ATRNL1: variants seen among roughly 807,000 people sequenced by gnomAD.
ATRNL1 encodes the protein attractin-like protein 1.
A neutral mutation model predicts 182.7 loss-of-function variants in ATRNL1; 95 were observed. The observed-to-expected ratio is 0.52, with a 90% CI of 0.44 to 0.62. ATRNL1 has a LOEUF of 0.62. Among genes scored for constraint, ATRNL1 ranks in the 20% least tolerant of loss-of-function variants. ATRNL1 has a pLI of 0.00. For missense variants in ATRNL1, 1,471 were observed against 1,679.5 expected (o/e 0.88, Z 2.17); for synonymous variants, 576 against 568.3 (o/e 1.01, Z -0.19).
At chr10:115,709,315 A>G (rs1333591810) in intron 26 of ATRNL1, among the ~76,000 whole-genome samples, 9 of 151,928 alleles carry the variant, frequency 5.9e-5, no homozygotes, top group African/African-American at 2.2e-4. Flanking sequence ...ACATTCAGAT[A>G]CCTTGCATGT....
chr10:115,249,614 C>T (rs1249168705), intron 10 of ATRNL1, among the ~76,000 whole-genome samples: 2 of 152,020 alleles, frequency 1.3e-5, no homozygotes, highest in South Asian at 4.1e-4. Context: ...GTATATGGTT[C>T]ATAATTAATA....
At chr10:115,352,968 T>C (rs1356426315) in intron 19 of ATRNL1, among the ~76,000 whole-genome samples, 1 of 152,178 alleles carries the variant, frequency 6.6e-6, no homozygotes, top group Non-Finnish European at 1.5e-5. Flanking sequence ...TTGTTGAGAC[T>C]ATCTTCCTGG....
At chr10:115,382,421 G>T (rs1858068817) in intron 19 of ATRNL1, among the ~76,000 whole-genome samples, 1 of 151,344 alleles carries the variant, frequency 6.6e-6, no homozygotes, top group African/African-American at 2.4e-5. Flanking sequence ...ATTATTTCGT[G>T]AGAATTTTAT....
chr10:115,788,143 A>G (rs1222348124), intron 27 of ATRNL1, among the ~76,000 whole-genome samples: 2 of 152,178 alleles, frequency 1.3e-5, no homozygotes, highest in African/African-American at 2.4e-5. Flanking sequence ...ATTTATATAT[A>G]GTAGTTATGT....
intron 27 of ATRNL1, among the ~76,000 whole-genome samples, chr10:115,840,844 G>GA (rs1202059101): frequency 2.0e-5 from 3 of 150,056 alleles, no homozygotes; most frequent in South Asian, 4.2e-4. Context: ...GGAGGGGCCT[G>GA]AAAAAAAAAG....
chr10:115,839,132 A>T (rs1197182744), intron 27 of ATRNL1, among the ~76,000 whole-genome samples: 1 of 152,126 alleles, frequency 6.6e-6, no homozygotes. Flanking sequence ...TTCTTGATTT[A>T]CTTTTATGAT....
chr10:115,200,489 G>T (rs1848526944), intron 8 of ATRNL1, among the ~76,000 whole-genome samples: 1 of 147,412 alleles, frequency 6.8e-6, no homozygotes, highest in Non-Finnish European at 1.5e-5. Flanking sequence ...TTGGTTTTTT[G>T]TCCTTGTGAT....
intron 19 of ATRNL1, among the ~76,000 whole-genome samples, chr10:115,377,168 C>T (rs1195950532): frequency 3.9e-5 from 6 of 152,120 alleles, no homozygotes; most frequent in African/African-American, 1.4e-4. Context: ...ACCCAAATCT[C>T]ATCTTAAATT....
intron 19 of ATRNL1, among the ~76,000 whole-genome samples, chr10:115,369,604 T>G (rs1857279258): frequency 6.6e-6 from 1 of 152,218 alleles, no homozygotes; most frequent in Admixed American, 6.5e-5. Flanking sequence ...GTGGGATTTT[T>G]GGATCATATG....
chr10:115,582,015 A>G (rs1855129166), intron 26 of ATRNL1, among the ~76,000 whole-genome samples: 1 of 150,476 alleles, frequency 6.6e-6, no homozygotes, highest in African/African-American at 2.5e-5. Flanking sequence ...TGTTCTTGCG[A>G]TAGTTTACTG....
At chr10:115,192,515 C>G (rs1373153969) in intron 8 of ATRNL1, among the ~76,000 whole-genome samples, 1 of 151,924 alleles carries the variant, frequency 6.6e-6, no homozygotes, top group Non-Finnish European at 1.5e-5. Context: ...AATATAATTT[C>G]AAGTCTGGTA....
At chr10:115,558,403 G>A (rs1853452708) in intron 26 of ATRNL1, among the ~76,000 whole-genome samples, 1 of 152,118 alleles carries the variant, frequency 6.6e-6, no homozygotes, top group Admixed American at 6.6e-5. Context: ...TTTTGTCTGT[G>A]GCTAAAGGCT....
chr10:115,495,175 G>C (rs1442909413), intron 24 of ATRNL1, among the ~76,000 whole-genome samples: 1 of 151,914 alleles, frequency 6.6e-6, no homozygotes, highest in Non-Finnish European at 1.5e-5. Flanking sequence ...AATGGTTGTA[G>C]TGTTATGTTT....
At chr10:115,815,415 A>ATGTGTG (rs367551845) in intron 27 of ATRNL1, among the ~76,000 whole-genome samples, 34,583 of 142,752 alleles carry the variant, frequency 0.24, 4,389 homozygotes, top group Admixed American at 0.32. Context: ...GTGTGTGTGT[A>ATGTGTG]TGTGTGTGTG....
chr10:115,483,708 G>A (rs544241158), intron 24 of ATRNL1, among the ~76,000 whole-genome samples: 1 of 151,420 alleles, frequency 6.6e-6, no homozygotes, highest in African/African-American at 2.4e-5. Context: ...TTTACACATG[G>A]TACTTTAAAG....
chr10:115,249,422 A>C (rs1183837242), intron 10 of ATRNL1, among the ~76,000 whole-genome samples: 1 of 152,202 alleles, frequency 6.6e-6, no homozygotes, highest in Non-Finnish European at 1.5e-5. Context: ...CAGTGAATTT[A>C]CATTTTCCAC....
At chr10:115,473,996 A>T (rs1164221807) in intron 24 of ATRNL1, among the ~76,000 whole-genome samples, 7 of 151,230 alleles carry the variant, frequency 4.6e-5, no homozygotes, top group African/African-American at 9.7e-5. Flanking sequence ...GTCAATTTTT[A>T]AAATTGTTTT....
chr10:115,340,471 CTTTTCTTTTTT>C (rs1436167511), intron 19 of ATRNL1, among the ~76,000 whole-genome samples: 31 of 89,568 alleles, frequency 3.5e-4, no homozygotes, highest in African/African-American at 1.2e-3. Flanking sequence ...CTTTTCTTTT[CTTTTCTTTTTT>C]TTTTTTTTTG....
At chr10:115,123,370 A>G (rs781811336) in intron 3 of ATRNL1, among the ~76,000 whole-genome samples, 5 of 152,230 alleles carry the variant, frequency 3.3e-5, no homozygotes, top group African/African-American at 7.2e-5. Context: ...TTTGCTTCTA[A>G]TAGATGGTAG....
Sources: gnomAD v4.1 joint callset for allele counts (sites outside exome capture counted in the v4.1 genomes callset) on GRCh38, gnomAD v4.1.1 for gene constraint, MANE v1.5 for transcripts, NCBI Gene and HGNC (gene_info 2026-07-23, HGNC 2026-07-21) for gene names.